PICALM: variants seen among roughly 807,000 people sequenced by gnomAD.
PICALM encodes phosphatidylinositol binding clathrin assembly protein.
A neutral mutation model predicts 80.5 loss-of-function variants in PICALM; 40 were observed. That is an observed-to-expected ratio of 0.50 (90% CI 0.39 to 0.65). PICALM has a LOEUF of 0.65. Among genes scored for constraint, PICALM ranks in the 30% least tolerant of loss-of-function variants. The pLI is 0.00. For synonymous variants in PICALM, 288 were observed against 260.3 expected, an observed-to-expected ratio of 1.11 and a Z score of -1.02; for missense variants, 676 against 778.9, an observed-to-expected ratio of 0.87 and a Z score of 1.57.
chr11:85,971,338 T>C (rs2094105586), intron 19 of PICALM, among the ~76,000 whole-genome samples: 1 of 152,164 alleles, frequency 6.6e-6, no homozygotes, highest in African/African-American at 2.4e-5. Flanking sequence ...GGTATTTCTG[T>C]CCCTGTTTTT....
intron 1 of PICALM, among the ~76,000 whole-genome samples, chr11:86,057,052 T>C (rs1365368003): frequency 1.3e-5 from 2 of 152,140 alleles, no homozygotes; most frequent in African/African-American, 4.8e-5. Context: ...GATCTCTTTC[T>C]TGGGTGATGG....
chr11:86,019,882 C>T (rs2095537331), intron 4 of PICALM, among the ~76,000 whole-genome samples: 1 of 152,100 alleles, frequency 6.6e-6, no homozygotes, highest in Non-Finnish European at 1.5e-5. Flanking sequence ...TTGCTTAGAC[C>T]TTTGGGATCA....
In PICALM at chr11:85,981,904, T is replaced by C. The variant is rs1473158219; in HGVS notation, c.1616A>G (p.Asp539Gly). ...AAGGTTGGCTAAAGATGAATCCAAG[T>C]CATCAGATACTAACTTGCTAGGTGG... ...KLPPSKLVSD[D>G]LDSSLANLVG... Residue 539 changes from aspartate (D) to glycine (G), a missense_variant, in exon 15 of 20, where the codon GAC becomes GGC. Physicochemically the swap from Asp to Gly is moderately conservative, Grantham distance 94 (BLOSUM62 -1). Coordinates refer to ENST00000393346, the MANE Select transcript of PICALM (RefSeq NM_007166.4). The C allele has an allele frequency of 1.9e-6, 3 of 1,613,616 alleles. No homozygotes were observed. The East Asian group carries it at 6.7e-5, about 36-fold the overall frequency.
intron 19 of PICALM, among the ~76,000 whole-genome samples, chr11:85,972,992 T>C (rs2094157630): frequency 6.6e-6 from 1 of 152,178 alleles, no homozygotes; most frequent in Non-Finnish European, 1.5e-5. Flanking sequence ...TCATAGTCTA[T>C]TTTATAAAAA....
rs561670608 is a variant in PICALM at position 85,988,124 on chromosome 11, C to T, written c.1408+2126G>A. Among the ~76,000 whole-genome samples, 117 of 152,320 alleles carry T rather than the reference C, an allele frequency of 7.7e-4. No homozygotes were observed. The Middle Eastern group carries it at 0.01, about 13-fold the overall frequency. ...TAACTACAGTAATAACTACTATGCA[C>T]ACAGAAAATATCAGCTGGACTTTTG... On this transcript the variant is annotated intron_variant, in intron 13 of 19. Transcript: ENST00000393346.
rs116466379 is a variant in PICALM, at chr11:85,987,722, C to T, written c.1408+2528G>A. On this transcript the variant is annotated intron_variant, in intron 13 of 19. Transcript: ENST00000393346. ...CTGGCCTCAAGCTATCCTCCTGCCT[C>T]AGCTTCCTAATTAGCTGGAATTATG... is the stretch of plus-strand genomic sequence containing the variant. Among the ~76,000 whole-genome samples the T allele has an allele frequency of 3.2e-3, 494 of 152,326 alleles. 4 individuals are homozygous for T. The highest frequency in any genetic ancestry group is 0.012 in the African/African-American group (484 of 41,580).
chr11:85,970,956 A>G (rs916003307), intron 19 of PICALM, among the ~76,000 whole-genome samples: 4 of 152,246 alleles, frequency 2.6e-5, no homozygotes, highest in Non-Finnish European at 5.9e-5. Flanking sequence ...GTGTGAATAA[A>G]GAGGTTCCAA....
intron 7 of PICALM, among the ~76,000 whole-genome samples, chr11:86,009,449 T>C (rs893379059): frequency 1.4e-4 from 21 of 152,116 alleles, no homozygotes; most frequent in African/African-American, 3.9e-4. Context: ...CCCAGCACTT[T>C]GGGAGGCCCA....
chr11:86,019,028 A>G (rs2095524810), intron 4 of PICALM, among the ~76,000 whole-genome samples: 1 of 152,174 alleles, frequency 6.6e-6, no homozygotes, highest in Non-Finnish European at 1.5e-5. Context: ...CTTTATATAC[A>G]TATTTCTATT....
chr11:86,007,387 T>A (rs1454303626), intron 8 of PICALM, 155 bp downstream of exon 8: 3 of 525,178 alleles, frequency 5.7e-6, no homozygotes, highest in Non-Finnish European at 1.1e-5. Context: ...GTGGTCATAG[T>A]GTTAGAACAA....
chr11:85,963,907 C>T (rs1025588948), intron 19 of PICALM, among the ~76,000 whole-genome samples: 1 of 144,514 alleles, frequency 6.9e-6, no homozygotes, highest in African/African-American at 2.6e-5. Flanking sequence ...CAGGCATGCA[C>T]CACCACACCT....
At chr11:85,990,434 AAAGG>A (rs2094730316) in intron 12 of PICALM, 35 bp from the exon 13 acceptor site, 1 of 1,378,658 alleles carries the variant, frequency 7.3e-7, no homozygotes, top group Non-Finnish European at 9.9e-7. Context: ...CAAAATGAAG[AAAGG>A]AAGTAAATAA....
intron 1 of PICALM, among the ~76,000 whole-genome samples, chr11:86,045,854 A>G (rs556195646): frequency 3.3e-5 from 5 of 152,164 alleles, no homozygotes; most frequent in Non-Finnish European, 7.3e-5. Context: ...TACAGTACCA[A>G]TCTTTCACCA....
At chr11:85,980,338 C>T (rs984043692) in intron 17 of PICALM, among the ~76,000 whole-genome samples, 14 of 152,154 alleles carry the variant, frequency 9.2e-5, no homozygotes, top group South Asian at 4.1e-4. Flanking sequence ...CCAGTTAGTG[C>T]GACAGCCTTA....
At position 86,031,483 on chromosome 11, in the gene PICALM, C is replaced by T. The variant is rs2136771689; in HGVS notation, c.259G>A (p.Val87Met). Residue 87 changes from valine to methionine, a missense_variant, in exon 2 of 20, where the codon GTG (valine) becomes ATG (methionine). This residue lies in a region of PICALM where 285 missense variants were observed against 395.4 expected (regional missense o/e 0.72). Transcript: ENST00000393346. ...ATTCTGCTTACCTCATTTCCATACACCATCAAATGATGAGTTGTAATGAGA... is the reference window on the plus strand; with the variant it reads ...ATTCTGCTTACCTCATTTCCATACATCATCAAATGATGAGTTGTAATGAGA... ...KSLITTHHLM[V>M]YGNERFIQYL... is the part of the protein sequence containing the mutation. 1 of 1,611,920 alleles carries T rather than the reference C, an allele frequency of 6.2e-7. No individual in the cohort carries two copies. Among genetic ancestry groups the T allele is most frequent in the South Asian group, 1.1e-5 (1 of 90,894 alleles).
chr11:85,970,840 G>A (rs1225456470), intron 19 of PICALM, among the ~76,000 whole-genome samples: 1 of 152,214 alleles, frequency 6.6e-6, no homozygotes, highest in African/African-American at 2.4e-5. Context: ...AAATGTTTGA[G>A]TATGGAGATG....
chr11:85,998,854 G>C (rs2095058448), intron 11 of PICALM, among the ~76,000 whole-genome samples: 1 of 152,158 alleles, frequency 6.6e-6, no homozygotes, highest in African/African-American at 2.4e-5. Flanking sequence ...GTACGGCTGG[G>C]CTCAGGCCTT....
intron 11 of PICALM, among the ~76,000 whole-genome samples, chr11:85,997,278 A>C (rs1420171588): frequency 2.0e-5 from 3 of 152,210 alleles, no homozygotes; most frequent in Non-Finnish European, 4.4e-5. Context: ...ATTTTTAATA[A>C]AACTCTTTTC....
At chr11:86,039,002 T>C (rs968102469) in intron 1 of PICALM, among the ~76,000 whole-genome samples, 3 of 151,780 alleles carry the variant, frequency 2.0e-5, no homozygotes, top group Admixed American at 1.3e-4. Context: ...TCCCAACTAC[T>C]TGGGAGGCTG....
Sources: allele counts gnomAD v4.1 joint callset (sites outside exome capture counted in the v4.1 genomes callset), GRCh38; gene constraint gnomAD v4.1.1; regional missense constraint gnomAD v4.1.1; transcripts MANE v1.5; gene names NCBI Gene and HGNC (gene_info 2026-07-23, HGNC 2026-07-21).